NPAS3: variants seen among roughly 807,000 people sequenced by gnomAD.
The protein encoded by NPAS3 is neuronal PAS domain-containing protein 3.
Under a neutral mutation model 73.1 loss-of-function variants are expected in NPAS3, and 14 were observed. The ratio of observed to expected loss-of-function variants is 0.19; its 90% confidence interval spans 0.13 to 0.30. The LOEUF (loss-of-function observed/expected upper bound fraction) is 0.30. Ranked by LOEUF, NPAS3 falls within the 10% of genes least tolerant of loss-of-function variation. NPAS3 has a pLI of 1.00. For missense variants in NPAS3, 1,096 were observed against 1,250.0 expected (o/e 0.88, Z 1.86); for synonymous variants, 620 against 541.5 (o/e 1.14, Z -2.01).
intron 2 of NPAS3, among the ~76,000 whole-genome samples, chr14:33,074,066 T>C (rs1193883627): frequency 6.6e-6 from 1 of 152,218 alleles, no homozygotes; most frequent in African/African-American, 2.4e-5. Flanking sequence ...TTTATGTGAT[T>C]ACCTACATGC....
intron 2 of NPAS3, among the ~76,000 whole-genome samples, chr14:33,094,021 G>A (rs1015280128): frequency 3.9e-5 from 6 of 151,950 alleles, no homozygotes; most frequent in African/African-American, 9.7e-5. Context: ...TAATGTAAAT[G>A]ACAGTTTAAT....
chr14:33,557,843 C>T (rs1400207224), intron 4 of NPAS3, among the ~76,000 whole-genome samples: 6 of 152,188 alleles, frequency 3.9e-5, no homozygotes, highest in African/African-American at 1.2e-4. Flanking sequence ...GTGGCGGGTG[C>T]CCGTAGTCCC....
chr14:33,428,849 T>C (rs1002610316), intron 4 of NPAS3, among the ~76,000 whole-genome samples: 1 of 152,144 alleles, frequency 6.6e-6, no homozygotes, highest in Non-Finnish European at 1.5e-5. Flanking sequence ...TTTTAAATAA[T>C]TAAAATCATT....
chr14:33,800,406 G>A lies in NPAS3; in HGVS notation c.2099G>A (p.Gly700Glu). The change falls in exon 12 of 12, where the codon GGG becomes GAG. Residue 700 changes from glycine (G) to glutamate (E), a missense_variant. By Grantham distance (98) the Gly-to-Glu change is moderately conservative. This residue lies in a region of NPAS3 where 698 missense variants were observed against 676.7 expected (regional missense o/e 1.03). Coordinates refer to ENST00000356141, the Ensembl canonical transcript of NPAS3. The surrounding 1 kb of genome is among the most constrained non-coding windows in gnomAD (Gnocchi z 6.5). ...CCGTCCCCGCAGGGCGGCGGCGGTG[G>A]GGGTGGCGGTGGCGGGGGGCTGCAC... 2 of 1,602,184 alleles carry A rather than the reference G, an allele frequency of 1.2e-6. No homozygotes were observed. The highest frequency in any genetic ancestry group is 8.5e-7 in the Non-Finnish European group (1 of 1,176,648).
At chr14:33,476,084 GT>G (rs2051022099) in intron 4 of NPAS3, among the ~76,000 whole-genome samples, 1 of 152,110 alleles carries the variant, frequency 6.6e-6, no homozygotes, top group African/African-American at 2.4e-5. Context: ...CATAACGATG[GT>G]TTTTCCTTAG....
intron 1 of NPAS3, among the ~76,000 whole-genome samples, chr14:33,048,744 G>C (rs997764184): frequency 6.6e-6 from 1 of 152,174 alleles, no homozygotes; most frequent in African/African-American, 2.4e-5. Context: ...AGCCCATTTT[G>C]CTGAGCACAG....
chr14:33,362,020 ATG>A (rs1194666131), intron 3 of NPAS3, among the ~76,000 whole-genome samples: 1 of 152,220 alleles, frequency 6.6e-6, no homozygotes, highest in Non-Finnish European at 1.5e-5. Flanking sequence ...TATTTCATGT[ATG>A]TGTTTTCATA....
intron 7 of NPAS3, among the ~76,000 whole-genome samples, chr14:33,769,963 C>T (rs890965987): frequency 2.6e-5 from 4 of 151,804 alleles, no homozygotes; most frequent in Non-Finnish European, 5.9e-5. Context: ...GGGAGTCTCC[C>T]TATGTTGCCC....
At chr14:33,279,094 T>C (rs2041469844) in intron 3 of NPAS3, among the ~76,000 whole-genome samples, 1 of 152,200 alleles carries the variant, frequency 6.6e-6, no homozygotes, top group Non-Finnish European at 1.5e-5. Flanking sequence ...AACACAGATT[T>C]CTGGGTCCCA....
intron 5 of NPAS3, among the ~76,000 whole-genome samples, chr14:33,641,746 T>C (rs1466559473): frequency 6.6e-6 from 1 of 152,180 alleles, no homozygotes; most frequent in African/African-American, 2.4e-5. Context: ...TGACACTTCC[T>C]TTCATGAAAA....
chr14:33,673,362 G>A (rs920616277), intron 5 of NPAS3, among the ~76,000 whole-genome samples: 1 of 152,136 alleles, frequency 6.6e-6, no homozygotes, highest in Non-Finnish European at 1.5e-5. Context: ...ATTGTTATGA[G>A]GATTAATCAA....
chr14:33,154,360 T>C (rs538042670), intron 2 of NPAS3, among the ~76,000 whole-genome samples: 1 of 152,350 alleles, frequency 6.6e-6, no homozygotes, highest in South Asian at 2.1e-4. Flanking sequence ...GTGTGCATAA[T>C]CTTTTTGAAA....
intron 7 of NPAS3, among the ~76,000 whole-genome samples, chr14:33,768,622 A>T (rs1344861115): frequency 1.3e-5 from 2 of 152,182 alleles, no homozygotes; most frequent in Non-Finnish European, 1.5e-5. Context: ...AGAACTCCCT[A>T]GAGATGAGTG....
At chr14:33,500,405 A>C (rs2052453973) in intron 4 of NPAS3, among the ~76,000 whole-genome samples, 1 of 151,890 alleles carries the variant, frequency 6.6e-6, no homozygotes, top group Admixed American at 6.6e-5. Context: ...GAAGTCCCTT[A>C]GCCTGATTTC....
At chr14:33,566,460 C>T (rs1301048092) in intron 5 of NPAS3, among the ~76,000 whole-genome samples, 1 of 152,078 alleles carries the variant, frequency 6.6e-6, no homozygotes, top group Non-Finnish European at 1.5e-5. Flanking sequence ...TCCTTCCACC[C>T]CACCCTTCCA....
At chr14:33,413,789 C>T (rs2048032497) in intron 4 of NPAS3, among the ~76,000 whole-genome samples, 1 of 152,146 alleles carries the variant, frequency 6.6e-6, no homozygotes. Context: ...GTTTCTGCCT[C>T]ATCTAAATTC....
chr14:33,210,592 A>G lies in NPAS3; in HGVS notation c.141-4590A>G, dbSNP rs10141271. ...CTTTTGAAAGATCATCTTGTCTAGA[A>G]GTACACATATACTCCTGATTAATAA... On this transcript the variant is annotated intron_variant, in intron 2 of 11. Coordinates refer to ENST00000356141, the Ensembl canonical transcript of NPAS3. Among the ~76,000 whole-genome samples, 1,033 of 152,252 alleles carry G rather than the reference A, an allele frequency of 6.8e-3. 13 individuals are homozygous for G. The highest frequency in any genetic ancestry group is 0.024 in the African/African-American group (998 of 41,542).
chr14:33,197,269 T>TGTGTGTGTGTG (rs1300549499), intron 2 of NPAS3, among the ~76,000 whole-genome samples: 3 of 20,804 alleles, frequency 1.4e-4, no homozygotes, highest in African/African-American at 3.0e-4. Flanking sequence ...GTGTGTGTGT[T>TGTGTGTGTGTG]CTTTTTCAAT....
At chr14:32,940,988 CTG>C (rs1566783201) in intron 1 of NPAS3, among the ~76,000 whole-genome samples, 3 of 152,250 alleles carry the variant, frequency 2.0e-5, no homozygotes, top group African/African-American at 7.2e-5. Context: ...TGCTCCCAAA[CTG>C]TAGAAAATCT....
Sources: allele counts gnomAD v4.1 joint callset (sites outside exome capture counted in the v4.1 genomes callset), GRCh38; gene constraint gnomAD v4.1.1; regional missense constraint gnomAD v4.1.1; non-coding constraint Gnocchi (gnomAD v3.1); transcripts MANE v1.5; gene names NCBI Gene and HGNC (gene_info 2026-07-23, HGNC 2026-07-21).